Variants in CLEC16A observed in about 807,000 individuals in gnomAD.
CLEC16A encodes the protein C-type lectin domain containing 16A.
Under a neutral mutation model 109.5 loss-of-function variants are expected in CLEC16A, and 51 were observed. The ratio of observed to expected loss-of-function variants is 0.47; its 90% CI spans 0.37 to 0.59. The LOEUF is 0.59. Among genes scored for constraint, CLEC16A ranks in the 20% least tolerant of loss-of-function variants. CLEC16A has a pLI of 0.00. For missense variants in CLEC16A, 1,339 were observed against 1,394.0 expected (o/e 0.96, Z 0.63); for synonymous variants, 673 against 564.2 (o/e 1.19, Z -2.73).
chr16:11,113,086 C>T (rs1157660900), intron 19 of CLEC16A, among the ~76,000 whole-genome samples: 3 of 152,260 alleles, frequency 2.0e-5, no homozygotes, highest in Non-Finnish European at 4.4e-5. Flanking sequence ...ACAGGTGTGA[C>T]TGTGAGAAGA....
In CLEC16A at chr16:11,175,734, A is replaced by G. The variant is rs562552584; in HGVS notation, c.2807-2601A>G. ...TTGTTGGTCCTTTTCCTGAAGAAGA[A>G]ATCAGTTCTGTGCGCATGCTATTGT... is the stretch of plus-strand genomic sequence containing the variant. On this transcript the variant is annotated intron_variant, in intron 23 of 23. Coordinates refer to ENST00000409790, the MANE Select transcript of CLEC16A (RefSeq NM_015226.3). 1.5e-3 allele frequency among the ~76,000 whole-genome samples: 229 copies of G among 152,326 alleles called. 2 individuals carry two copies. The highest frequency in any genetic ancestry group is 0.015 in the Admixed American group (228 of 15,304).
In CLEC16A at chr16:11,112,870, C is replaced by T. The variant is rs554797351; in HGVS notation, c.2117-7745C>T. On this transcript the variant is annotated intron_variant, in intron 19 of 23. Transcript: ENST00000409790. ...CCATCCTACCTTTTGCCTGTGGGGCCTGGTTCCTCCCCAGAATGGAGGCTT... is the reference window on the plus strand; with the variant it reads ...CCATCCTACCTTTTGCCTGTGGGGCTTGGTTCCTCCCCAGAATGGAGGCTT... 4.6e-5 allele frequency among the ~76,000 whole-genome samples: 7 copies of T among 152,312 alleles called. No homozygotes were observed. The South Asian group carries it at 1.5e-3, about 32-fold the overall frequency.
intron 10 of CLEC16A, among the ~76,000 whole-genome samples, chr16:10,990,000 T>C (rs2043907276): frequency 6.6e-6 from 1 of 152,224 alleles, no homozygotes; most frequent in Admixed American, 6.5e-5. Context: ...TGACCCTGAC[T>C]GTACTCATGA....
intron 19 of CLEC16A, among the ~76,000 whole-genome samples, chr16:11,083,552 C>T (rs1304467954): frequency 2.0e-5 from 3 of 152,236 alleles, no homozygotes; most frequent in Non-Finnish European, 4.4e-5. Flanking sequence ...CCCAGGGCCA[C>T]TCAGCTCCAG....
intron 11 of CLEC16A, among the ~76,000 whole-genome samples, chr16:11,010,212 G>A (rs1470070069): frequency 7.2e-6 from 1 of 139,572 alleles, no homozygotes. Context: ...CATGGCAGGG[G>A]ATAGGGTGGG....
intron 1 of CLEC16A, among the ~76,000 whole-genome samples, chr16:10,949,230 G>A (rs1219663087): frequency 1.3e-5 from 2 of 152,098 alleles, no homozygotes; most frequent in Non-Finnish European, 2.9e-5. Flanking sequence ...TTAGAGCTTG[G>A]GGTACAATAT....
chr16:11,116,680 A>G (rs891331889), intron 19 of CLEC16A, among the ~76,000 whole-genome samples: 2 of 152,300 alleles, frequency 1.3e-5, no homozygotes, highest in Admixed American at 1.3e-4. Flanking sequence ...TGAAAACTGA[A>G]AAAGGAGAGG....
At chr16:11,099,673 T>C (rs1303232850) in intron 19 of CLEC16A, among the ~76,000 whole-genome samples, 4 of 152,144 alleles carry the variant, frequency 2.6e-5, no homozygotes, top group South Asian at 2.1e-4. Context: ...TGCTGTCAAC[T>C]CTGCTGGGGC....
intron 22 of CLEC16A, among the ~76,000 whole-genome samples, chr16:11,155,258 G>A (rs1348628594): frequency 5.3e-5 from 8 of 152,082 alleles, no homozygotes; most frequent in South Asian, 2.1e-4. Flanking sequence ...TCATCCTCAC[G>A]AACCCTGTAA....
At chr16:11,138,709 AC>A (rs1177148195) in intron 22 of CLEC16A, among the ~76,000 whole-genome samples, 1 of 152,144 alleles carries the variant, frequency 6.6e-6, no homozygotes, top group Non-Finnish European at 1.5e-5. Context: ...AACCTAAATG[AC>A]CACTGTTTTC....
At chr16:10,947,771 A>C (rs2145632217) in intron 1 of CLEC16A, among the ~76,000 whole-genome samples, 1 of 152,330 alleles carries the variant, frequency 6.6e-6, no homozygotes, top group African/African-American at 2.4e-5. Flanking sequence ...GACAAGTGAC[A>C]GTTCTTAATA....
rs2152984405 is a variant in CLEC16A at position 11,101,028 on chromosome 16, T to C, written c.2117-19587T>C. Among the ~76,000 whole-genome samples the C allele has an allele frequency of 5.3e-5, 8 of 152,298 alleles. No homozygotes were observed. In the Middle Eastern group the frequency reaches 0.017, roughly 324 times the overall value. The stretch of plus-strand genomic sequence containing the variant: ...AGTACCTGGGACTGTGCTTGGCCCA[T>C]AGTAGATACACAGTAACTGTTTGAT... On this transcript the variant is annotated intron_variant, in intron 19 of 23. Transcript: ENST00000409790.
chr16:11,012,779 C>T (rs1249080182), intron 11 of CLEC16A, among the ~76,000 whole-genome samples: 1 of 152,170 alleles, frequency 6.6e-6, no homozygotes, highest in East Asian at 1.9e-4. Context: ...AGGTTCAAAA[C>T]CAATCACAAA....
At chr16:11,009,760 C>A (rs528336810) in intron 11 of CLEC16A, among the ~76,000 whole-genome samples, 2 of 152,340 alleles carry the variant, frequency 1.3e-5, no homozygotes, top group African/African-American at 4.8e-5. Context: ...TGCCTTGGTA[C>A]TTCAGTTTCC....
At chr16:11,096,991 A>G (rs954214779) in intron 19 of CLEC16A, among the ~76,000 whole-genome samples, 4 of 152,164 alleles carry the variant, frequency 2.6e-5, no homozygotes, top group Non-Finnish European at 5.9e-5. Flanking sequence ...TTTTAACAGC[A>G]TTTTTAAAAA....
chr16:11,046,444 C>T (rs909260591), intron 16 of CLEC16A, among the ~76,000 whole-genome samples: 2 of 152,054 alleles, frequency 1.3e-5, no homozygotes, highest in African/African-American at 4.8e-5. Context: ...TAAAAAGGAT[C>T]TATTCCCTTT....
chr16:11,163,625 C>G (rs564080688), intron 22 of CLEC16A, among the ~76,000 whole-genome samples: 2 of 152,334 alleles, frequency 1.3e-5, no homozygotes, highest in African/African-American at 2.4e-5. Context: ...CCCTACATGT[C>G]CCACTGCAGA....
intron 10 of CLEC16A, among the ~76,000 whole-genome samples, chr16:10,996,832 G>A (rs1335915681): frequency 6.6e-6 from 1 of 152,140 alleles, no homozygotes; most frequent in Non-Finnish European, 1.5e-5. Context: ...GCGCTTACCT[G>A]AGTCCCCCTC....
intron 19 of CLEC16A, among the ~76,000 whole-genome samples, chr16:11,094,680 T>C (rs1237428395): frequency 1.3e-5 from 2 of 152,266 alleles, no homozygotes; most frequent in African/African-American, 4.8e-5. Context: ...CATGCCTGCC[T>C]TGGCCCCACT....
Sources: gnomAD v4.1 joint callset for allele counts (sites outside exome capture counted in the v4.1 genomes callset) on GRCh38, gnomAD v4.1.1 for gene constraint, MANE v1.5 for transcripts, NCBI Gene and HGNC (gene_info 2026-07-23, HGNC 2026-07-21) for gene names.